The following POU2F2 variants were observed in gnomAD, a reference collection of about 807,000 sequenced individuals.
POU2F2 encodes the protein POU class 2 homeobox 2.
POU2F2 carries 14 observed loss-of-function variants against 63.5 expected under a neutral mutation model. That is an observed-to-expected ratio of 0.22 (90% CI 0.15 to 0.34). The LOEUF is 0.34. Among genes scored for constraint, POU2F2 ranks in the 10% least tolerant of loss-of-function variants. The pLI, the probability that POU2F2 is intolerant of heterozygous loss-of-function variation, is 1.00. For missense variants in POU2F2, 607 were observed against 815.2 expected, an observed-to-expected ratio of 0.74 and a Z score of 3.11; for synonymous variants, 306 against 348.6, an observed-to-expected ratio of 0.88 and a Z score of 1.36.
chr19:42,191,273 G>GA (rs980613554), intron 1 of POU2F2, among the ~76,000 whole-genome samples: 1 of 152,240 alleles, frequency 6.6e-6, no homozygotes, highest in East Asian at 1.9e-4. Flanking sequence ...TCAGAGAACA[G>GA]AAAAAGAAAG....
chr19:42,142,653 C>A (rs1481613935), intron 2 of POU2F2, among the ~76,000 whole-genome samples: 1 of 152,042 alleles, frequency 6.6e-6, no homozygotes, highest in East Asian at 1.9e-4. Flanking sequence ...GCAACTGCCA[C>A]CCCCCAGCAA....
chr19:42,146,032 C>CAAAAAAAAAAAA (rs1004458482), intron 2 of POU2F2, among the ~76,000 whole-genome samples: 1 of 49,774 alleles, frequency 2.0e-5, no homozygotes, highest in Non-Finnish European at 4.4e-5. Context: ...GACTCCGTCT[C>CAAAAAAAAAAAA]AAAAAAAAAA....
At chr19:42,150,572 G>A (rs919010921) in intron 2 of POU2F2, among the ~76,000 whole-genome samples, 15 of 150,266 alleles carry the variant, frequency 1.0e-4, no homozygotes, top group Non-Finnish European at 1.5e-4. Context: ...CAGGGGGGAC[G>A]CGGAGGGCTC....
chr19:42,099,947 C>T, intron 5 of POU2F2, 126 bp from the exon 6 acceptor site: 1 of 736,798 alleles, frequency 1.4e-6, no homozygotes, highest in Non-Finnish European at 2.3e-6. Flanking sequence ...TGGCACTGGG[C>T]AGTGAGGGAT....
chr19:42,095,954 C>T lies in POU2F2; in HGVS notation c.730-25G>A. ...CCTGGGCCAGTGGGGCGGGGAAGGG[C>T]CCGAAGTCAGGGTGGGGCCTTCCGG... On this transcript the variant is annotated intron_variant, in intron 8 of 14. Coordinates refer to ENST00000692977, the MANE Select transcript of POU2F2 (RefSeq NM_001394376.1). The surrounding 1 kb of genome is among the most constrained non-coding windows in gnomAD (Gnocchi z 7.1). 1 of 1,608,950 alleles carries T rather than the reference C, an allele frequency of 6.2e-7. No homozygotes were observed. The highest frequency in any genetic ancestry group is 8.5e-7 in the Non-Finnish European group (1 of 1,177,390).
At chr19:42,170,987 T>C (rs1250820397) in intron 1 of POU2F2, among the ~76,000 whole-genome samples, 3 of 152,278 alleles carry the variant, frequency 2.0e-5, no homozygotes, top group East Asian at 3.8e-4. Context: ...AGTCGGCTCC[T>C]GCCTCTGGCC....
rs149517988 is a variant in POU2F2, at chr19:42,094,373, G to A, written c.1198-478C>T. ...CTAAATGGATGCATATCTTTGCATC[G>A]GGGTGTTGAGATGTCATATTACTTG... On this transcript the variant is annotated intron_variant, in intron 11 of 14. Coordinates refer to ENST00000692977, the MANE Select transcript of POU2F2 (RefSeq NM_001394376.1). 5.7e-3 allele frequency among the ~76,000 whole-genome samples: 869 copies of A among 152,188 alleles called. 4 individuals are homozygous for A. The highest frequency in any genetic ancestry group is 9.7e-3 in the Non-Finnish European group (663 of 68,004).
chr19:42,186,181 C>G (rs1043848129), intron 1 of POU2F2, among the ~76,000 whole-genome samples: 1 of 151,798 alleles, frequency 6.6e-6, no homozygotes, highest in Non-Finnish European at 1.5e-5. Flanking sequence ...AAAAATTAGC[C>G]GGGTGTGGTG....
intron 7 of POU2F2, among the ~76,000 whole-genome samples, chr19:42,097,509 T>G (rs1198247935): frequency 6.6e-6 from 1 of 151,804 alleles, no homozygotes; most frequent in Non-Finnish European, 1.5e-5. Context: ...TTTTTTTTTT[T>G]TGGTATAAAT....
In POU2F2 at chr19:42,095,607, G is replaced by A. The variant is rs2076889366; in HGVS notation, c.958C>T (p.Arg320Cys). The A allele has an allele frequency of 6.2e-7, 1 of 1,612,774 alleles. No individual in the cohort carries two copies. The highest frequency in any genetic ancestry group is 8.5e-7 in the Non-Finnish European group (1 of 1,179,754). Reference protein sequence around the residue: ...LGFDGLPGRRRKKRTSIETNV... With the variant: ...LGFDGLPGRRCKKRTSIETNV... Reference sequence around the variant, plus strand: ...GTCTCGATGCTGGTCCTCTTCTTGCGTCTCCGGCCGGGCAGGCCGTCGAAA... The same window carrying A: ...GTCTCGATGCTGGTCCTCTTCTTGCATCTCCGGCCGGGCAGGCCGTCGAAA... Residue 320 changes from arginine (R) to cysteine (C), a missense_variant, in exon 10 of 15, where the codon CGC (arginine) becomes TGC (cysteine). Arg to Cys is a radical substitution (Grantham distance 180). Coordinates refer to ENST00000692977, the MANE Select transcript of POU2F2 (RefSeq NM_001394376.1). This position sits in a 1 kb window ranked among gnomAD's most constrained non-coding sequence, Gnocchi z 7.1.
intron 2 of POU2F2, among the ~76,000 whole-genome samples, chr19:42,144,816 A>G (rs1047776168): frequency 2.6e-5 from 4 of 152,266 alleles, no homozygotes; most frequent in African/African-American, 9.6e-5. Flanking sequence ...AGACTCAGTC[A>G]TGGGCAAGCC....
upstream of POU2F2, among the ~76,000 whole-genome samples, chr19:42,179,542 GGGAGGA>G (rs1216604204): frequency 7.9e-5 from 12 of 151,952 alleles, no homozygotes; most frequent in Non-Finnish European, 1.5e-4. Context: ...GGGAGGGAAA[GGGAGGA>G]GGAGGAGGAG....
chr19:42,098,445 C>G (rs1340831323), intron 7 of POU2F2, among the ~76,000 whole-genome samples: 1 of 151,164 alleles, frequency 6.6e-6, no homozygotes, highest in East Asian at 1.9e-4. Context: ...AGAAAGAAAG[C>G]CTACATAGGA....
intron 2 of POU2F2, among the ~76,000 whole-genome samples, chr19:42,138,250 T>C (rs1402914843): frequency 6.6e-6 from 1 of 152,102 alleles, no homozygotes; most frequent in African/African-American, 2.4e-5. Flanking sequence ...TGGCTGAATG[T>C]GGGGCATGGG....
intron 2 of POU2F2, among the ~76,000 whole-genome samples, chr19:42,154,969 C>T (rs2034429745): frequency 6.6e-6 from 1 of 152,124 alleles, no homozygotes; most frequent in African/African-American, 2.4e-5. Context: ...CAGTACATCC[C>T]TCCTTACCAC....
chr19:42,196,179 G>A (rs2035143637), intron 1 of POU2F2, among the ~76,000 whole-genome samples: 1 of 152,202 alleles, frequency 6.6e-6, no homozygotes, highest in South Asian at 2.1e-4. Context: ...CATCATCACA[G>A]GTGCCCTCCA....
upstream of POU2F2, among the ~76,000 whole-genome samples, chr19:42,134,943 G>T (rs897530912): frequency 3.9e-5 from 6 of 152,014 alleles, no homozygotes; most frequent in Admixed American, 6.5e-5. Context: ...GGAGTGGTGG[G>T]GGGGAGCAGC....
chr19:42,106,821 A>G (rs1041230051), intron 5 of POU2F2, among the ~76,000 whole-genome samples: 126 of 147,282 alleles, frequency 8.6e-4, no homozygotes, highest in African/African-American at 2.9e-3. Context: ...GGAGGAGGAG[A>G]AGGAGGAGGA....
rs1422777696 is a variant in POU2F2 at position 42,122,123 on chromosome 19, T to C, written c.186+3A>G. 1.2e-6 allele frequency: 2 copies of C among 1,611,946 alleles called. No individual in the cohort carries two copies. The highest frequency in any genetic ancestry group is 1.7e-6 in the Non-Finnish European group (2 of 1,178,180). ...TTCCCTGGCTGTTCTGACAGGTGCT[T>C]ACCTTTGTACTGGGGCCAGTTGGGG... On this transcript the variant is annotated splice_donor_region_variant and intron_variant, in intron 4 of 14. Transcript: ENST00000692977.
Sources: gnomAD v4.1 joint callset for allele counts (sites outside exome capture counted in the v4.1 genomes callset) on GRCh38, gnomAD v4.1.1 for gene constraint, Gnocchi (gnomAD v3.1) non-coding constraint, MANE v1.5 for transcripts, NCBI Gene and HGNC (gene_info 2026-07-23, HGNC 2026-07-21) for gene names.